The following USH2A variants were observed in gnomAD, a reference collection of about 807,000 sequenced individuals.
USH2A encodes usherin, also known as Usher syndrome 2A (autosomal recessive, mild).
In USH2A, 443 loss-of-function variants were observed where a neutral mutation model predicts 538.9. The ratio of observed to expected loss-of-function variants is 0.82; its 90% CI spans 0.76 to 0.89. The LOEUF is 0.89. Ranked by LOEUF, USH2A falls within the 40% of genes least tolerant of loss-of-function variation. The pLI is 0.00. For missense variants in USH2A, 6,633 were observed against 6,324.8 expected (o/e 1.05, Z -1.65); for synonymous variants, 2,413 against 2,273.5 (o/e 1.06, Z -1.75).
At chr1:216,055,258 G>A (rs1305135447) in intron 30 of USH2A, among the ~76,000 whole-genome samples, 1 of 152,090 alleles carries the variant, frequency 6.6e-6, no homozygotes, top group Non-Finnish European at 1.5e-5. Context: ...TTTCACATTT[G>A]GATCAAGAAA....
chr1:215,908,785 A>G (rs1313554210), intron 38 of USH2A, among the ~76,000 whole-genome samples: 1 of 151,762 alleles, frequency 6.6e-6, no homozygotes, highest in East Asian at 1.9e-4. Flanking sequence ...ATTGATGGAT[A>G]CAGAATGATG....
At chr1:216,245,470 TGAGAGAGAGAGAGAGA>T (rs10535828) in intron 13 of USH2A, among the ~76,000 whole-genome samples, 7,951 of 114,234 alleles carry the variant, frequency 0.07, 303 homozygotes, top group East Asian at 0.21. Context: ...AGTCCCCTTC[TGAGAGAGAGAGAGAGA>T]GAGAGAGAGA....
At chr1:216,245,507 G>GAGAGAGAGAA (rs2036022169) in intron 13 of USH2A, among the ~76,000 whole-genome samples, 1 of 143,384 alleles carries the variant, frequency 7.0e-6, no homozygotes, top group African/African-American at 2.5e-5. Context: ...GAGAGAGAGA[G>GAGAGAGAGAA]AGAGAGAGAG....
chr1:216,355,328 A>AAAGAAAGG (rs2038367776), intron 4 of USH2A, among the ~76,000 whole-genome samples: 1 of 109,966 alleles, frequency 9.1e-6, no homozygotes, highest in African/African-American at 3.0e-5. Context: ...AGAAAGAAAG[A>AAAGAAAGG]AAGAAAGAAA....
intron 60 of USH2A, among the ~76,000 whole-genome samples, chr1:215,738,766 G>C (rs184236417): frequency 6.6e-6 from 1 of 152,202 alleles, no homozygotes; most frequent in Non-Finnish European, 1.5e-5. Context: ...TCCTATCTTT[G>C]GTTTGAGCTA....
chr1:215,965,383 G>A lies in USH2A; in HGVS notation c.7054C>T (p.Pro2352Ser). ...GTTAAGAGTCCATTAGGGCGAAAAG[G>A]TGCTTCCCACCTCACGTGGGCTTTC... The part of the protein sequence containing the change: ...SRKAHVRWEA[P>S]FRPNGLLTHS... Residue 2352 changes from proline to serine, a missense_variant, in exon 37 of 72, where the codon CCT becomes TCT. Coordinates refer to ENST00000307340, the MANE Select transcript of USH2A (RefSeq NM_206933.4). The A allele has an allele frequency of 2.5e-6, 4 of 1,613,868 alleles. No individual in the cohort carries two copies. Among genetic ancestry groups the A allele is most frequent in the Non-Finnish European group, 3.4e-6 (4 of 1,179,848 alleles).
Position 215,640,717 on chromosome 1 carries a change from G to C in USH2A, c.14809C>G (p.Pro4937Ala). Residue 4937 changes from proline to alanine, a missense_variant, in exon 68 of 72, where the codon CCA (proline) becomes GCA (alanine). Pro to Ala is a conservative substitution (Grantham distance 27). Transcript: ENST00000307340. ...TQKELPQYRAPFSVDSNLSVV... is the reference protein window; with the variant it reads ...TQKELPQYRAAFSVDSNLSVV... The stretch of plus-strand genomic sequence containing the variant: ...GACAAATTGCTGTCCACCGAAAATG[G>C]GGCTCGGTACTGAGGCACTGTGGGG... The C allele has an allele frequency of 1.9e-6, 3 of 1,613,574 alleles. No individual in the cohort carries two copies. The highest frequency in any genetic ancestry group is 2.5e-6 in the Non-Finnish European group (3 of 1,179,942).
At chr1:216,067,470 G>A (rs2031416443) in intron 30 of USH2A, among the ~76,000 whole-genome samples, 1 of 148,962 alleles carries the variant, frequency 6.7e-6, no homozygotes, top group Non-Finnish European at 1.5e-5. Flanking sequence ...TGGATGCTCT[G>A]TAGAATACAC....
chr1:216,092,997 A>G (rs2102568970), intron 22 of USH2A, among the ~76,000 whole-genome samples: 1 of 151,444 alleles, frequency 6.6e-6, no homozygotes, highest in African/African-American at 2.4e-5. Flanking sequence ...ACAAGGTCTC[A>G]CTCTGTCACC....
At chr1:216,241,517 C>G (rs2035937609) in intron 13 of USH2A, among the ~76,000 whole-genome samples, 1 of 151,548 alleles carries the variant, frequency 6.6e-6, no homozygotes, top group Non-Finnish European at 1.5e-5. Context: ...AGGACTTTAT[C>G]TGGTATATAT....
chr1:216,012,254 C>T (rs1212333999), intron 32 of USH2A, among the ~76,000 whole-genome samples: 1 of 151,988 alleles, frequency 6.6e-6, no homozygotes, highest in African/African-American at 2.4e-5. Flanking sequence ...TTCTTTACAT[C>T]ATGGAAATCT....
intron 16 of USH2A, among the ~76,000 whole-genome samples, chr1:216,205,770 T>A (rs1291045083): frequency 6.6e-6 from 1 of 152,170 alleles, no homozygotes; most frequent in African/African-American, 2.4e-5. Context: ...CCGAGGTTTC[T>A]TAAACTAGTG....
Position 215,671,191 on chromosome 1 carries a change from T to C in USH2A, c.13914A>G (p.Pro4638=). The C allele has an allele frequency of 6.2e-7, 1 of 1,614,108 alleles. No homozygotes were observed. Among genetic ancestry groups the C allele is most frequent in the South Asian group, 1.1e-5 (1 of 91,078 alleles). ...CTGGAGCCATTTGTACCTCCAGATG[T>C]GGAGGGGGTTGCATCAAAGGTGCAA... ...PEIAPLMQPP[P]HLEVQMAPGG... The change falls in exon 64 of 72, where the codon CCA becomes CCG. Residue 4638 remains proline, a synonymous_variant. Coordinates refer to ENST00000307340, the MANE Select transcript of USH2A (RefSeq NM_206933.4).
chr1:215,680,814 A>G (rs1221782410), intron 61 of USH2A, among the ~76,000 whole-genome samples: 1 of 152,064 alleles, frequency 6.6e-6, no homozygotes, highest in Non-Finnish European at 1.5e-5. Flanking sequence ...GAACACCCCT[A>G]ATTTCCAAAT....
chr1:216,375,280 A>G (rs1324435020), intron 3 of USH2A, among the ~76,000 whole-genome samples: 1 of 152,174 alleles, frequency 6.6e-6, no homozygotes, highest in Admixed American at 6.6e-5. Context: ...ATCTTCTTCC[A>G]ACAGAAGACT....
intron 20 of USH2A, among the ~76,000 whole-genome samples, chr1:216,183,735 C>G (rs1176682069): frequency 6.6e-6 from 1 of 151,984 alleles, no homozygotes; most frequent in African/African-American, 2.4e-5. Context: ...TGCGAGCATG[C>G]TACAGCAAAT....
intron 60 of USH2A, among the ~76,000 whole-genome samples, chr1:215,729,279 A>C (rs1571627789): frequency 6.6e-6 from 1 of 152,288 alleles, no homozygotes; most frequent in South Asian, 2.1e-4. Context: ...GCTCTTTTGC[A>C]ATTGTTCCCA....
chr1:216,005,009 T>G lies in USH2A; in HGVS notation c.6326-4447A>C, dbSNP rs552156838. On this transcript the variant is annotated intron_variant, in intron 32 of 71. Coordinates refer to ENST00000307340, the MANE Select transcript of USH2A (RefSeq NM_206933.4). ...CAAGACCATTTACCATGAGTGATCT[T>G]TTGATTCTTCAGAGTAACACCCTGT... 1.6e-4 allele frequency among the ~76,000 whole-genome samples: 24 copies of G among 152,298 alleles called. No individual in the cohort carries two copies. In the East Asian group the frequency reaches 4.4e-3, roughly 28 times the overall value.
chr1:216,035,109 T>A (rs1669217849), intron 32 of USH2A, among the ~76,000 whole-genome samples: 1 of 152,178 alleles, frequency 6.6e-6, no homozygotes. Context: ...TAATATGTTT[T>A]AGGTATTTCA....
Sources: allele counts gnomAD v4.1 joint callset (sites outside exome capture counted in the v4.1 genomes callset), GRCh38; gene constraint gnomAD v4.1.1; transcripts MANE v1.5; gene names NCBI Gene and HGNC (gene_info 2026-07-23, HGNC 2026-07-21).